The following DOCK5 variants were observed in gnomAD, a reference collection of about 807,000 sequenced individuals.
DOCK5 encodes the protein dedicator of cytokinesis protein 5.
In DOCK5, 142 loss-of-function variants were observed where a neutral mutation model predicts 251.8. The ratio of observed to expected loss-of-function variants is 0.56; its 90% CI spans 0.49 to 0.65. DOCK5 has a LOEUF of 0.65. Ranked by LOEUF, DOCK5 falls within the 30% of genes least tolerant of loss-of-function variation. DOCK5 has a pLI of 0.00. For synonymous variants in DOCK5, 842 were observed against 835.5 expected, an observed-to-expected ratio of 1.01 and a Z score of -0.13; for missense variants, 2,111 against 2,312.3, an observed-to-expected ratio of 0.91 and a Z score of 1.79.
At chr8:25,389,985 GAAA>G (rs5890226) in intron 41 of DOCK5, among the ~76,000 whole-genome samples, 1 of 144,694 alleles carries the variant, frequency 6.9e-6, no homozygotes. Flanking sequence ...ATGTCTGACC[GAAA>G]AAAAAAAAAG....
At chr8:25,316,101 T>A (rs899303951) in intron 13 of DOCK5, among the ~76,000 whole-genome samples, 2 of 152,206 alleles carry the variant, frequency 1.3e-5, no homozygotes, top group African/African-American at 4.8e-5. Context: ...AATTAAAATT[T>A]TTTTTGCTGG....
intron 1 of DOCK5, among the ~76,000 whole-genome samples, chr8:25,193,345 T>A (rs548993760): frequency 6.6e-6 from 1 of 151,976 alleles, no homozygotes; most frequent in Non-Finnish European, 1.5e-5. Flanking sequence ...AAGAAACTTA[T>A]CTAACGTGTA....
chr8:25,350,225 A>G (rs967931708), intron 26 of DOCK5, among the ~76,000 whole-genome samples: 1 of 152,232 alleles, frequency 6.6e-6, no homozygotes, highest in African/African-American at 2.4e-5. Context: ...TTTGTAAAAG[A>G]TAATAAAAAT....
intron 14 of DOCK5, chr8:25,317,494 C>T (rs1267483517): frequency 5.8e-6 from 1 of 171,292 alleles, no homozygotes; most frequent in Non-Finnish European, 1.3e-5. Context: ...GCTCGAATAG[C>T]ATCAGAAAGC....
At chr8:25,395,964 A>G (rs1801338730) in intron 45 of DOCK5, 1 of 592,320 alleles carries the variant, frequency 1.7e-6, no homozygotes, top group South Asian at 1.6e-5. Context: ...GCCTCTGGTC[A>G]AAGCACCTGT....
At chr8:25,295,254 C>T (rs1804589068) in intron 6 of DOCK5, among the ~76,000 whole-genome samples, 1 of 151,724 alleles carries the variant, frequency 6.6e-6, no homozygotes, top group Non-Finnish European at 1.5e-5. Context: ...GCCTGGGCAA[C>T]ATAGCAAGAC....
chr8:25,385,131 C>T (rs1045890147), intron 40 of DOCK5, among the ~76,000 whole-genome samples: 4 of 151,942 alleles, frequency 2.6e-5, no homozygotes, highest in Admixed American at 2.0e-4. Flanking sequence ...GGGGTGCCAG[C>T]GGGGAGGCGG....
intron 36 of DOCK5, 93 bp from the exon 37 acceptor site, chr8:25,374,471 T>C: frequency 8.3e-7 from 1 of 1,205,380 alleles, no homozygotes; most frequent in Middle Eastern, 2.0e-4. Context: ...TACTGCAGCC[T>C]GGGCAATACA....
intron 1 of DOCK5, among the ~76,000 whole-genome samples, chr8:25,209,143 A>G (rs1230078854): frequency 6.6e-6 from 1 of 152,028 alleles, no homozygotes; most frequent in Non-Finnish European, 1.5e-5. Flanking sequence ...CTGCTCTAGT[A>G]TGAAATGCCA....
At chr8:25,278,248 A>G (rs1804099967) in intron 4 of DOCK5, among the ~76,000 whole-genome samples, 1 of 152,024 alleles carries the variant, frequency 6.6e-6, no homozygotes, top group African/African-American at 2.4e-5. Flanking sequence ...AATGCTGCAT[A>G]TTTTGCTTCC....
intron 14 of DOCK5, among the ~76,000 whole-genome samples, chr8:25,319,063 A>G (rs1409571608): frequency 2.4e-4 from 36 of 152,156 alleles, no homozygotes; most frequent in Admixed American, 2.4e-3. Flanking sequence ...TTCGTTTGAT[A>G]GTGCCCCACC....
intron 1 of DOCK5, among the ~76,000 whole-genome samples, chr8:25,191,598 T>A (rs761906265): frequency 2.0e-5 from 3 of 152,196 alleles, no homozygotes; most frequent in Non-Finnish European, 2.9e-5. Flanking sequence ...AAAGGGGTTC[T>A]GAGACAAACA....
Position 25,411,591 on chromosome 8 carries a change from G to A in DOCK5, c.*293G>A. The A allele has an allele frequency of 1.1e-5, 3 of 281,460 alleles. No homozygotes were observed. The highest frequency in any genetic ancestry group is 2.0e-5 in the Non-Finnish European group (3 of 152,546). 17.4% of individuals were successfully genotyped at this position (281,460 alleles called of 1,614,324 possible). On this transcript the variant is annotated 3_prime_UTR_variant, in exon 52 of 52. Coordinates refer to ENST00000276440, the MANE Select transcript of DOCK5 (RefSeq NM_024940.8). ...TTGTTAAATGTCAGCCTGTACGGCA[G>A]AGACATGGTGGTCTGCACAAGCCTG...
chr8:25,259,712 T>G (rs991833758), intron 2 of DOCK5, among the ~76,000 whole-genome samples: 2 of 152,152 alleles, frequency 1.3e-5, no homozygotes, highest in Non-Finnish European at 2.9e-5. Flanking sequence ...CCTCCTGCCT[T>G]GGCCTCCCAA....
intron 11 of DOCK5, among the ~76,000 whole-genome samples, chr8:25,306,510 C>CCTGGCTAACAT (rs1563195981): frequency 2.6e-5 from 4 of 151,924 alleles, no homozygotes; most frequent in Admixed American, 2.6e-4. Flanking sequence ...ATCGAGACCA[C>CCTGGCTAACAT]GGTGAAACCC....
Position 25,321,028 on chromosome 8 carries a change from T to C in DOCK5, c.1591T>C (p.Phe531Leu). The change falls in exon 16 of 52, where the codon TTC (phenylalanine) becomes CTC (leucine). Residue 531 changes from phenylalanine to leucine, a missense_variant. This residue lies in a region of DOCK5 where 1,717 missense variants were observed against 1,892.4 expected (regional missense o/e 0.91). Transcript: ENST00000276440. ...EVTRCHIRFT[F>L]RHRSSQETRD... ...CACACGCTGTCATATAAGATTTACC[T>C]TCCGACACAGGTCATCTCAGGAAAG... 1 of 1,613,584 alleles carries C rather than the reference T, an allele frequency of 6.2e-7. No homozygotes were observed. The highest frequency in any genetic ancestry group is 8.5e-7 in the Non-Finnish European group (1 of 1,179,752).
In DOCK5 at chr8:25,342,469, T is replaced by C. The variant is rs747236832; in HGVS notation, c.2579T>C (p.Met860Thr). 3.1e-6 allele frequency: 5 copies of C among 1,599,944 alleles called. No homozygotes were observed. Among genetic ancestry groups the C allele is most frequent in the Non-Finnish European group, 2.6e-6 (3 of 1,172,184 alleles). The change falls in exon 25 of 52, where the codon ATG (methionine) becomes ACG (threonine). Residue 860 changes from methionine to threonine, a missense_variant. Physicochemically the swap from Met to Thr is moderately conservative, Grantham distance 81. Coordinates refer to ENST00000276440, the MANE Select transcript of DOCK5 (RefSeq NM_024940.8). ...CTGGTTCGGCAGAAACTTAACTGCATGACCAAGATAGTAGAGAGCACTCTT... is the reference window on the plus strand; with the variant it reads ...CTGGTTCGGCAGAAACTTAACTGCACGACCAAGATAGTAGAGAGCACTCTT... Reference protein sequence around the residue: ...NQLVRQKLNCMTKIVESTLFR... With the variant: ...NQLVRQKLNCTTKIVESTLFR...
At chr8:25,351,963 T>A in intron 27 of DOCK5, 137 bp downstream of exon 27, 1 of 635,024 alleles carries the variant, frequency 1.6e-6, no homozygotes. Context: ...GGTTATAACC[T>A]TAGCAGATCT....
At chr8:25,230,292 T>C (rs1173972669) in intron 1 of DOCK5, among the ~76,000 whole-genome samples, 1 of 152,134 alleles carries the variant, frequency 6.6e-6, no homozygotes, top group African/African-American at 2.4e-5. Context: ...CAAACACACA[T>C]TCTTGGGCTG....
Sources: allele counts gnomAD v4.1 joint callset (sites outside exome capture counted in the v4.1 genomes callset), GRCh38; gene constraint gnomAD v4.1.1; regional missense constraint gnomAD v4.1.1; transcripts MANE v1.5; gene names NCBI Gene and HGNC (gene_info 2026-07-23, HGNC 2026-07-21).